The following PFKFB4 variants were observed in gnomAD, a reference collection of about 807,000 sequenced individuals.
PFKFB4 encodes the protein 6-phosphofructo-2-kinase/fructose-2,6-biphosphatase 4, also known as 6-phosphofructo-2-kinase/fructose-2,6-bisphosphatase 4.
Under a neutral mutation model 62.8 loss-of-function variants are expected in PFKFB4, and 42 were observed. The observed-to-expected ratio is 0.67, with a 90% CI of 0.52 to 0.86. PFKFB4 has a LOEUF of 0.86. PFKFB4 is among the 40% of genes least tolerant of loss of function. The pLI, the probability that PFKFB4 is intolerant of heterozygous loss-of-function variation, is 0.00. For missense variants in PFKFB4, 475 were observed against 627.2 expected, an observed-to-expected ratio of 0.76 and a Z score of 2.59; for synonymous variants, 204 against 240.7, an observed-to-expected ratio of 0.85 and a Z score of 1.41.
chr3:48,535,373 G>T, intron 9 of PFKFB4, 139 bp downstream of exon 9: 1 of 760,304 alleles, frequency 1.3e-6, no homozygotes, highest in Non-Finnish European at 2.1e-6. Context: ...TTTCCTCTCT[G>T]CTCCCAGCCC....
chr3:48,530,181 A>T (rs991161596), intron 9 of PFKFB4, among the ~76,000 whole-genome samples: 1 of 152,110 alleles, frequency 6.6e-6, no homozygotes, highest in Non-Finnish European at 1.5e-5. Flanking sequence ...TAAACCCGGG[A>T]GGTAGAGGTT....
chr3:48,524,737 G>C (rs981448055), intron 10 of PFKFB4, among the ~76,000 whole-genome samples: 1 of 152,194 alleles, frequency 6.6e-6, no homozygotes, highest in Non-Finnish European at 1.5e-5. Context: ...TGGCTTCTGG[G>C]TGGAGGTGCT....
chr3:48,560,804 G>A (rs973994172), upstream of PFKFB4, among the ~76,000 whole-genome samples: 5 of 152,190 alleles, frequency 3.3e-5, no homozygotes, highest in African/African-American at 7.2e-5. Flanking sequence ...CCTGGGCAGC[G>A]CCAGCTGGCG....
chr3:48,521,314 A>T lies in PFKFB4; in HGVS notation c.1350+672T>A, dbSNP rs1444709976. Among the ~76,000 whole-genome samples the T allele has an allele frequency of 6.6e-6, 1 of 152,096 alleles. No homozygotes were observed. The highest frequency in any genetic ancestry group is 1.5e-5 in the Non-Finnish European group (1 of 67,998). ...AGGTCCTATCCTTGGCCCCAGTGGG[A>T]GAGGGAGCCAACATTGTGGAGGGAC... On this transcript the variant is annotated intron_variant, in intron 13 of 13. Transcript: ENST00000232375. The surrounding 1 kb of genome is among the most constrained non-coding windows in gnomAD (Gnocchi z 5.3).
intron 1 of PFKFB4, among the ~76,000 whole-genome samples, chr3:48,550,440 G>A (rs189377336): frequency 6.6e-6 from 1 of 152,102 alleles, no homozygotes; most frequent in East Asian, 1.9e-4. Context: ...CCCCAGGCCC[G>A]CCTGGGCTCT....
Position 48,543,616 on chromosome 3 carries a change from G to A in PFKFB4, c.342C>T (p.Val114=), listed in dbSNP as rs1196450761. 6.2e-7 allele frequency: 1 copy of A among 1,612,404 alleles called. No individual in the cohort carries two copies. Among genetic ancestry groups the A allele is most frequent in the Admixed American group, 1.7e-5 (1 of 59,800 alleles). Residue 114 remains valine, a synonymous_variant, in exon 4 of 14, where the codon GTC becomes GTT. Transcript: ENST00000232375. ...KQCALAALRD[V]RRFLSEEGGH... is the part of the protein sequence containing the mutation. The stretch of plus-strand genomic sequence containing the variant: ...CCCCCTCCTCACTAAGGAACCGCCG[G>A]ACGTCACGGAGGGCTGCCAGGGCAC...
chr3:48,560,703 G>A (rs1277377932), upstream of PFKFB4, among the ~76,000 whole-genome samples: 3 of 152,220 alleles, frequency 2.0e-5, no homozygotes, highest in Admixed American at 1.3e-4. Flanking sequence ...TCCTAAATGA[G>A]CCTCTAGACT....
upstream of PFKFB4, chr3:48,561,645 A>G (rs1426820230): frequency 1.3e-5 from 2 of 152,206 alleles, no homozygotes; most frequent in Non-Finnish European, 2.9e-5. This position sits in a 1 kb window ranked among gnomAD's most constrained non-coding sequence, Gnocchi z 5.2. Flanking sequence ...CCCATCCTTC[A>G]GTCGCTTTGT....
At position 48,556,700 on chromosome 3, in the gene PFKFB4, C is replaced by G; in HGVS notation, c.78G>C (p.Leu26=). The change falls in exon 1 of 14, where the codon CTG becomes CTC. Residue 26 remains leucine, a synonymous_variant. Coordinates refer to ENST00000232375, the MANE Select transcript of PFKFB4 (RefSeq NM_004567.4). This position sits in a 1 kb window ranked among gnomAD's most constrained non-coding sequence, Gnocchi z 5.7. The part of the protein sequence containing the change: ...WMPYSNGRPA[L]HACQRGVCMT... ...CCTCACCACCGCGCTGGCAAGCGTG[C>G]AGAGCGGGCCGCCCATTGCTGTATG... is the stretch of plus-strand genomic sequence containing the variant. 6.2e-7 allele frequency: 1 copy of G among 1,610,440 alleles called. No homozygotes were observed. The highest frequency in any genetic ancestry group is 8.5e-7 in the Non-Finnish European group (1 of 1,178,348).
chr3:48,560,245 G>A (rs1274877959), upstream of PFKFB4, among the ~76,000 whole-genome samples: 1 of 152,174 alleles, frequency 6.6e-6, no homozygotes, highest in Non-Finnish European at 1.5e-5. Flanking sequence ...TGCAGAGACA[G>A]GCAGGCTGCA....
At position 48,525,645 on chromosome 3, in the gene PFKFB4, C is replaced by T. The variant is rs201998835; in HGVS notation, c.1012G>A (p.Glu338Lys). ...DAGVCEEMTY[E>K]EIQDNYPLEF... ...AGTGGATAATTATCCTGAATTTCCT[C>T]GTAGGTCATTTCCTCACAGACGCCC... Residue 338 changes from glutamate to lysine, a missense_variant, in exon 10 of 14, where the codon GAG becomes AAG. Glu to Lys is a moderately conservative substitution (Grantham distance 56). Coordinates refer to ENST00000232375, the MANE Select transcript of PFKFB4 (RefSeq NM_004567.4). 157 of 1,606,138 alleles carry T rather than the reference C, an allele frequency of 9.8e-5. No individual in the cohort carries two copies. The highest frequency in any genetic ancestry group is 6.0e-4 in the Admixed American group (36 of 59,558).
intron 13 of PFKFB4, among the ~76,000 whole-genome samples, chr3:48,520,162 G>A (rs899532930): frequency 6.6e-6 from 1 of 152,170 alleles, no homozygotes; most frequent in Non-Finnish European, 1.5e-5. Flanking sequence ...CTGTGGGGCA[G>A]GGAAGGGGTT....
At chr3:48,553,589 A>G (rs573875757) in intron 1 of PFKFB4, among the ~76,000 whole-genome samples, 32 of 152,316 alleles carry the variant, frequency 2.1e-4, no homozygotes, top group Non-Finnish European at 3.8e-4. Context: ...TGCAGGCCCC[A>G]TGAGCTCTAG....
In PFKFB4 at chr3:48,553,910, C is replaced by T. The variant is rs1209626182; in HGVS notation, c.97+2771G>A. Among the ~76,000 whole-genome samples, 5 of 152,304 alleles carry T rather than the reference C, an allele frequency of 3.3e-5. No individual in the cohort carries two copies. The South Asian group carries it at 8.3e-4, about 25-fold the overall frequency. Reference sequence around the variant, plus strand: ...TCAGCTGAGAAAAGCCATCAAACACCGTCCTTTCTGCAGTCCTTCTTGAGT... The same window carrying T: ...TCAGCTGAGAAAAGCCATCAAACACTGTCCTTTCTGCAGTCCTTCTTGAGT... On this transcript the variant is annotated intron_variant, in intron 1 of 13. Coordinates refer to ENST00000232375, the MANE Select transcript of PFKFB4 (RefSeq NM_004567.4).
rs771177958 is a variant in PFKFB4, at chr3:48,550,126, G to T, written c.206C>A (p.Pro69His). 1 of 1,611,252 alleles carries T rather than the reference G, an allele frequency of 6.2e-7. No homozygotes were observed. Among genetic ancestry groups the T allele is most frequent in the East Asian group, 2.2e-5 (1 of 44,878 alleles). The change falls in exon 2 of 14, where the codon CCC (proline) becomes CAC (histidine). Residue 69 changes from proline to histidine, a missense_variant. Pro to His is a moderately conservative substitution (Grantham distance 77). Coordinates refer to ENST00000232375, the MANE Select transcript of PFKFB4 (RefSeq NM_004567.4). ...LTRYLNWIGVPTREFNVGQYR... is the reference protein window; with the variant it reads ...LTRYLNWIGVHTREFNVGQYR... Reference sequence around the variant, plus strand: ...CTGGGGCCAAGCCTCACCCCGAGTGGGCACACCAATCCAGTTCAGGTATCG... The same window carrying T: ...CTGGGGCCAAGCCTCACCCCGAGTGTGCACACCAATCCAGTTCAGGTATCG...
At position 48,550,314 on chromosome 3, in the gene PFKFB4, A is replaced by G; in HGVS notation, c.98-80T>C. ...CCTCCCTCTCAGCCTGTGGTCTCTC[A>G]GCCTCAGGGCATGGGACTGGCATCA... On this transcript the variant is annotated intron_variant, in intron 1 of 13. Transcript: ENST00000232375. 3.4e-6 allele frequency: 3 copies of G among 894,340 alleles called. No individual in the cohort carries two copies. In the Admixed American group the frequency reaches 5.2e-5, roughly 16 times the overall value. 55.4% of individuals were successfully genotyped at this position (894,340 alleles called of 1,614,324 possible). A position where few individuals can be genotyped will look rare whatever the true frequency, so the allele number is the denominator to read the frequency against.
Position 48,539,734 on chromosome 3 carries a change from G to T in PFKFB4, c.416C>A (p.Ala139Glu), listed in dbSNP as rs758109236. Residue 139 changes from alanine (A) to glutamate (E), a missense_variant, in exon 5 of 14, where the codon GCG (alanine) becomes GAG (glutamate). Ala to Glu is a moderately radical substitution (Grantham distance 107, BLOSUM62 -1). Coordinates refer to ENST00000232375, the MANE Select transcript of PFKFB4 (RefSeq NM_004567.4). ...DATNTTRERR[A>E]TIFNFGEQNG... ...CTGTTCTCCAAAATTAAAGATGGTC[G>T]CTCTCCGTTCTCGGGTGGTGTTTGT... is the stretch of plus-strand genomic sequence containing the variant. 1.2e-6 allele frequency: 2 copies of T among 1,613,972 alleles called. No homozygotes were observed. The highest frequency in any genetic ancestry group is 3.3e-5 in the Admixed American group (2 of 60,004).
At chr3:48,533,903 C>G (rs552799630) in intron 9 of PFKFB4, among the ~76,000 whole-genome samples, 4 of 152,054 alleles carry the variant, frequency 2.6e-5, no homozygotes, top group Non-Finnish European at 4.4e-5. Flanking sequence ...TTTTTAGACA[C>G]GAGACTAGGC....
chr3:48,541,016 C>T (rs1408359153), intron 4 of PFKFB4, among the ~76,000 whole-genome samples: 8 of 151,864 alleles, frequency 5.3e-5, no homozygotes, highest in Non-Finnish European at 8.8e-5. Context: ...ACCTCATGAT[C>T]TGCCAGCCTT....
Sources: allele counts gnomAD v4.1 joint callset (sites outside exome capture counted in the v4.1 genomes callset), GRCh38; gene constraint gnomAD v4.1.1; non-coding constraint Gnocchi (gnomAD v3.1); transcripts MANE v1.5; gene names NCBI Gene and HGNC (gene_info 2026-07-23, HGNC 2026-07-21).